The following XG variants were observed in gnomAD, a reference collection of about 807,000 sequenced individuals.
The protein encoded by XG is Xg glycoprotein (Xg blood group), also known as glycoprotein Xg.
A neutral mutation model predicts 25.7 loss-of-function variants in XG; 24 were observed. The observed-to-expected ratio is 0.93, with a 90% CI of 0.68 to 1.31. The LOEUF (loss-of-function observed/expected upper bound fraction) is 1.31. XG is among the 40% of genes most tolerant of loss of function. The pLI is 0.00. For missense variants in XG, 181 were observed against 187.6 expected (o/e 0.96, Z 0.21); for synonymous variants, 77 against 69.2 (o/e 1.11, Z -0.56).
chrX:2,797,416 C>T (rs1260662840), intron 7 of XG, 56 bp downstream of exon 7: 1 of 1,161,123 alleles, frequency 8.6e-7, no homozygotes, highest in African/African-American at 1.8e-5. Context: ...GGTCATCTTT[C>T]TAGGGCTCCC....
intron 7 of XG, among the ~76,000 whole-genome samples, chrX:2,800,302 A>G (rs187171675): frequency 2.8e-4 from 31 of 111,089 alleles, no homozygotes; most frequent in African/African-American, 9.8e-4. Flanking sequence ...TCAGACCTGT[A>G]AAGGTGTCAG....
intron 3 of XG, 61 bp from the exon 4 acceptor site, chrX:2,782,005 G>A (rs2147059846): frequency 1.8e-6 from 2 of 1,122,933 alleles, no homozygotes; most frequent in East Asian, 3.0e-5. Flanking sequence ...TGTTTCTGCA[G>A]CCTGCTCCTA....
At chrX:2,779,929 G>A (rs2051082079) in intron 3 of XG, among the ~76,000 whole-genome samples, 1 of 152,146 alleles carries the variant, frequency 6.6e-6, no homozygotes, top group Admixed American at 6.6e-5. Context: ...TTACAGGGAT[G>A]AGCCACCGTG....
chrX:2,783,159 A>C (rs1468397888), intron 4 of XG, among the ~76,000 whole-genome samples: 1 of 111,578 alleles, frequency 9.0e-6, no homozygotes, highest in East Asian at 2.8e-4. Context: ...ACTTGTTTTC[A>C]GTGCTCCAAA....
chrX:2,765,376 G>GGGAAGGAAGGAAGGAAGGAAGGAAGGAA (rs56267419), intron 1 of XG, among the ~76,000 whole-genome samples: 3,300 of 144,032 alleles, frequency 0.023, 66 homozygotes, highest in Non-Finnish European at 0.035. Context: ...GAGGGAGGGA[G>GGGAAGGAAGGAAGGAAGGAAGGAAGGAA]GGAAGGAAGG....
chrX:2,811,753 G>A (rs1054836552), intron 10 of XG, among the ~76,000 whole-genome samples: 2 of 110,832 alleles, frequency 1.8e-5, no homozygotes, highest in African/African-American at 3.3e-5. Context: ...GCACCACCAC[G>A]CCTGGCTAAT....
chrX:2,770,655 A>G (rs1322325296), intron 2 of XG, 64 bp downstream of exon 2: 48 of 1,588,652 alleles, frequency 3.0e-5, no homozygotes, highest in Non-Finnish European at 4.0e-5. Context: ...CATCAGCTGT[A>G]TAGTTACTTT....
intron 2 of XG, among the ~76,000 whole-genome samples, chrX:2,771,303 C>T (rs2050813505): frequency 6.6e-6 from 1 of 152,148 alleles, no homozygotes; most frequent in Non-Finnish European, 1.5e-5. Flanking sequence ...CAATCCATGG[C>T]CTCCAATCTC....
chrX:2,797,367 C>T lies in XG; in HGVS notation c.373+7C>T, dbSNP rs2086895405. The T allele has an allele frequency of 8.3e-7, 1 of 1,201,293 alleles. No individual in the cohort carries two copies. The highest frequency in any genetic ancestry group is 1.1e-6 in the Non-Finnish European group (1 of 889,258). On this transcript the variant is annotated splice_region_variant and intron_variant, in intron 7 of 10. Transcript: ENST00000644266. ...AACTCCGACAACACGCACGGTACCC[C>T]TACATCTGGGCATGCGATGGTGGGT...
At chrX:2,776,092 A>G (rs2050982434) in intron 3 of XG, among the ~76,000 whole-genome samples, 1 of 152,134 alleles carries the variant, frequency 6.6e-6, no homozygotes, top group African/African-American at 2.4e-5. Context: ...GATCGAGACC[A>G]TCCTGGCTAA....
intron 5 of XG, among the ~76,000 whole-genome samples, chrX:2,792,463 T>G (rs112470161): frequency 0.021 from 2,337 of 110,263 alleles, 27 homozygotes; most frequent in South Asian, 0.043. Flanking sequence ...GCCTCCTGAA[T>G]AGCTGGGACT....
chrX:2,752,233 G>C lies in XG; in HGVS notation c.-42G>C, dbSNP rs756675672. The stretch of plus-strand genomic sequence containing the variant: ...AGAGGCCGGGTCTCACAATCCGCTT[G>C]GCTGGGGAGTCCACTGAGGTTCTTG... On this transcript the variant is annotated 5_prime_UTR_variant, in exon 1 of 11. Coordinates refer to ENST00000644266, the MANE Select transcript of XG (RefSeq NM_001141919.2). 3 of 1,613,404 alleles carry C rather than the reference G, an allele frequency of 1.9e-6. No individual in the cohort carries two copies. The highest frequency in any genetic ancestry group is 4.5e-5 in the East Asian group (2 of 44,866).
chrX:2,788,556 C>G (rs2086805844), intron 4 of XG, among the ~76,000 whole-genome samples: 1 of 111,402 alleles, frequency 9.0e-6, no homozygotes. Flanking sequence ...ATGCCACCTG[C>G]AAAAGTCCTG....
intron 1 of XG, among the ~76,000 whole-genome samples, chrX:2,757,779 C>T (rs994674622): frequency 2.0e-5 from 3 of 151,598 alleles, no homozygotes; most frequent in African/African-American, 7.3e-5. Context: ...TGAGACCAGC[C>T]TGGCCAACAT....
At chrX:2,780,192 AAAG>A (rs764668451) in intron 3 of XG, among the ~76,000 whole-genome samples, 440 of 152,210 alleles carry the variant, frequency 2.9e-3, no homozygotes, top group African/African-American at 1.0e-2. Context: ...GAAAAAAAGA[AAAG>A]AAAAGAAAAG....
intron 2 of XG, among the ~76,000 whole-genome samples, chrX:2,773,502 A>C (rs1469542314): frequency 5.5e-5 from 7 of 126,576 alleles, no homozygotes; most frequent in East Asian, 2.4e-4. Flanking sequence ...AAGGAAGGAG[A>C]GAAGGAAGGA....
At chrX:2,754,716 G>A (rs1054882392) in intron 1 of XG, among the ~76,000 whole-genome samples, 1 of 152,188 alleles carries the variant, frequency 6.6e-6, no homozygotes, top group African/African-American at 2.4e-5. Flanking sequence ...CACCATGGGA[G>A]AAAGATGTAG....
At chrX:2,764,434 G>C (rs1239172509) in intron 1 of XG, among the ~76,000 whole-genome samples, 1 of 151,962 alleles carries the variant, frequency 6.6e-6, no homozygotes, top group Non-Finnish European at 1.5e-5. Context: ...ACCTCTTTCC[G>C]GTCACAAGTT....
chrX:2,814,152 T>C (rs1300543601), intron 10 of XG, among the ~76,000 whole-genome samples: 1 of 111,680 alleles, frequency 9.0e-6, no homozygotes, highest in Non-Finnish European at 1.9e-5. Flanking sequence ...CTTCTAGCTT[T>C]ATTAAAGTAT....
Sources: gnomAD v4.1 joint callset for allele counts (sites outside exome capture counted in the v4.1 genomes callset) on GRCh38, gnomAD v4.1.1 for gene constraint, MANE v1.5 for transcripts, NCBI Gene and HGNC (gene_info 2026-07-23, HGNC 2026-07-21) for gene names.